The following MCF2L variants were observed in gnomAD, a reference collection of about 807,000 sequenced individuals.
MCF2L encodes the protein guanine nucleotide exchange factor DBS.
MCF2L carries 97 observed loss-of-function variants against 153.4 expected under a neutral mutation model. The ratio of observed to expected loss-of-function variants is 0.63; its 90% CI spans 0.54 to 0.75. The LOEUF is 0.75. MCF2L is among the 30% of genes least tolerant of loss of function. The probability of loss-of-function intolerance (pLI) is 0.00; values close to 1 mark genes in which losing one functional copy is unlikely to be tolerated. For missense variants in MCF2L, 1,347 were observed against 1,495.2 expected (o/e 0.90, Z 1.64); for synonymous variants, 659 against 632.2 (o/e 1.04, Z -0.64).
At chr13:113,036,455 C>G (rs2086156678) in intron 3 of MCF2L, among the ~76,000 whole-genome samples, 1 of 152,224 alleles carries the variant, frequency 6.6e-6, no homozygotes, top group South Asian at 2.1e-4. Flanking sequence ...TTCCTACGAG[C>G]TTTGCGTGAG....
chr13:113,009,515 A>T (rs1231294124), intron 1 of MCF2L: 3 of 152,206 alleles, frequency 2.0e-5, no homozygotes, highest in Non-Finnish European at 4.4e-5. Flanking sequence ...CATCACAAAC[A>T]GAGGTGTGGA....
chr13:113,072,196 G>A (rs966238268), intron 9 of MCF2L, among the ~76,000 whole-genome samples: 7 of 152,192 alleles, frequency 4.6e-5, no homozygotes, highest in East Asian at 1.9e-4. Context: ...TGTCTCCTGC[G>A]ACCTTGCTGA....
chr13:113,091,224 C>T, intron 26 of MCF2L: 1 of 1,303,902 alleles, frequency 7.7e-7, no homozygotes, highest in Non-Finnish European at 1.0e-6. Context: ...GCACGGCACC[C>T]ACTCTGCGTT....
At chr13:112,912,796 ATC>A (rs746426772) in intron 2 of MCF2L, among the ~76,000 whole-genome samples, 2 of 148,028 alleles carry the variant, frequency 1.4e-5, no homozygotes, top group African/African-American at 2.6e-5. Context: ...TCTGTGGTGT[ATC>A]TCTGTGTGTG....
intron 1 of MCF2L, among the ~76,000 whole-genome samples, chr13:113,003,959 A>G (rs2083529339): frequency 1.3e-5 from 2 of 152,214 alleles, no homozygotes; most frequent in South Asian, 4.1e-4. Context: ...GGACTGAGAC[A>G]CTTGGATTCC....
At chr13:113,077,241 C>T (rs777194236) in intron 13 of MCF2L, 30 bp downstream of exon 13, 1 of 1,500,250 alleles carries the variant, frequency 6.7e-7, no homozygotes, top group African/African-American at 1.4e-5. Context: ...GCCCCGGGTG[C>T]TGTGGGACCC....
chr13:113,066,177 C>T lies in MCF2L; in HGVS notation c.881+7C>T. On this transcript the variant is annotated splice_region_variant and intron_variant, in intron 8 of 29. Coordinates refer to ENST00000535094, the MANE Select transcript of MCF2L (RefSeq NM_001112732.3). Reference sequence around the variant, plus strand: ...ACCAGGCCACCGTGCAGAGGTGAGGCCCGGCTGCCTTCCTGCCCTCATCCT... The same window carrying T: ...ACCAGGCCACCGTGCAGAGGTGAGGTCCGGCTGCCTTCCTGCCCTCATCCT... The T allele has an allele frequency of 1.2e-6, 2 of 1,603,248 alleles. No homozygotes were observed. The highest frequency in any genetic ancestry group is 1.7e-6 in the Non-Finnish European group (2 of 1,174,452).
chr13:113,088,062 C>T (rs2034809467), intron 23 of MCF2L, among the ~76,000 whole-genome samples: 1 of 152,210 alleles, frequency 6.6e-6, no homozygotes, highest in Non-Finnish European at 1.5e-5. Flanking sequence ...TGCAAGTGTG[C>T]ATCTGGCACG....
At chr13:112,933,125 G>A (rs915051003) in intron 2 of MCF2L, among the ~76,000 whole-genome samples, 2 of 152,222 alleles carry the variant, frequency 1.3e-5, no homozygotes, top group African/African-American at 4.8e-5. Flanking sequence ...GGAGTGCTGG[G>A]CCGACAGCCT....
intron 3 of MCF2L, among the ~76,000 whole-genome samples, chr13:113,034,905 G>C (rs560314117): frequency 1.3e-5 from 2 of 152,282 alleles, no homozygotes; most frequent in East Asian, 3.9e-4. Context: ...AGGTCTGCCC[G>C]AGGTGAGGAA....
rs1445313731 is a variant in MCF2L at position 112,943,360 on chromosome 13, G to C, written c.169+40989G>C. ...GCCCCCGGCCGCAGAGCCCAGGCGC[G>C]GGGAGGGCGGCGGCTCCCAGCTCCC... On this transcript the variant is annotated intron_variant, in intron 2 of 29. Coordinates refer to the MCF2L transcript ENST00000375608. The surrounding 1 kb of genome is among the most constrained non-coding windows in gnomAD (Gnocchi z 4.2). Among the ~76,000 whole-genome samples the C allele has an allele frequency of 6.6e-6, 1 of 151,980 alleles. No homozygotes were observed. Among genetic ancestry groups the C allele is most frequent in the Non-Finnish European group, 1.5e-5 (1 of 67,954 alleles).
intron 1 of MCF2L, among the ~76,000 whole-genome samples, chr13:112,901,248 G>A (rs1010154084): frequency 6.6e-6 from 1 of 152,188 alleles, no homozygotes; most frequent in Non-Finnish European, 1.5e-5. Context: ...CCGCCTCCTG[G>A]GTTCAAGTGA....
At chr13:113,061,818 C>A (rs2031534576) in intron 5 of MCF2L, among the ~76,000 whole-genome samples, 1 of 35,108 alleles carries the variant, frequency 2.8e-5, no homozygotes, top group South Asian at 1.6e-3. Context: ...CTCCCCCTTC[C>A]CCTCTTTTCT....
intron 2 of MCF2L, chr13:112,917,109 C>A: frequency 2.1e-6 from 1 of 471,296 alleles, no homozygotes. Context: ...TCCATCTGTA[C>A]TCAGCCCCTC....
chr13:113,075,853 G>C, intron 11 of MCF2L, 113 bp from the exon 12 acceptor site: 1 of 805,678 alleles, frequency 1.2e-6, no homozygotes, highest in Non-Finnish European at 1.9e-6. Flanking sequence ...GGAGCACGAG[G>C]AGTCGGTGGC....
chr13:113,066,534 G>A (rs2032390295), intron 8 of MCF2L, among the ~76,000 whole-genome samples: 1 of 152,204 alleles, frequency 6.6e-6, no homozygotes, highest in Admixed American at 6.5e-5. Context: ...GAGAAAGCCT[G>A]GGGTTCTCCT....
intron 2 of MCF2L, among the ~76,000 whole-genome samples, chr13:113,024,311 C>A (rs949234569): frequency 1.8e-4 from 27 of 151,996 alleles, no homozygotes; most frequent in Admixed American, 3.3e-4. Flanking sequence ...AGGAAGGAGG[C>A]AGGAGACAAG....
chr13:112,916,251 C>G (rs117589057), intron 2 of MCF2L, among the ~76,000 whole-genome samples: 1 of 149,406 alleles, frequency 6.7e-6, no homozygotes, highest in East Asian at 1.9e-4. Context: ...TTTGTCCCTT[C>G]TCTCTTTTTC....
rs2032839839 is a variant in MCF2L at position 113,070,807 on chromosome 13, A to G, written c.996+634A>G. 6.6e-6 allele frequency among the ~76,000 whole-genome samples: 1 copy of G among 152,212 alleles called. No individual in the cohort carries two copies. Among genetic ancestry groups the G allele is most frequent in the African/African-American group, 2.4e-5 (1 of 41,436 alleles). On this transcript the variant is annotated intron_variant, in intron 9 of 29. Coordinates refer to ENST00000535094, the MANE Select transcript of MCF2L (RefSeq NM_001112732.3). The surrounding 1 kb of genome is among the most constrained non-coding windows in gnomAD (Gnocchi z 5.6). ...TCATTGTGTTCCCCGGTGTGGACGG[A>G]CCACAGTTCTTTCAATCATTCACCT... is the stretch of plus-strand genomic sequence containing the variant.
Sources: gnomAD v4.1 joint callset for allele counts (sites outside exome capture counted in the v4.1 genomes callset) on GRCh38, gnomAD v4.1.1 for gene constraint, Gnocchi (gnomAD v3.1) non-coding constraint, MANE v1.5 for transcripts, NCBI Gene and HGNC (gene_info 2026-07-23, HGNC 2026-07-21) for gene names.